Variants in DGCR8 observed in about 807,000 individuals in gnomAD.
DGCR8 encodes the protein microprocessor complex subunit DGCR8.
DGCR8 carries 14 observed loss-of-function variants against 78.5 expected under a neutral mutation model. The ratio of observed to expected loss-of-function variants is 0.18; its 90% confidence interval spans 0.12 to 0.28. The LOEUF (loss-of-function observed/expected upper bound fraction) is 0.28, where lower values mean the gene tolerates loss of function less well. DGCR8 is among the 10% of genes least tolerant of loss of function. The pLI is 1.00. For missense variants in DGCR8, 702 were observed against 1,022.5 expected, an observed-to-expected ratio of 0.69 and a Z score of 4.28; for synonymous variants, 399 against 402.4, an observed-to-expected ratio of 0.99 and a Z score of 0.10.
At chr22:20,108,790 C>T (rs557368773) in intron 12 of DGCR8, 100 bp from the exon 13 acceptor site, 18 of 767,134 alleles carry the variant, frequency 2.3e-5, no homozygotes, top group South Asian at 4.1e-5. Context: ...AGACCCTGGG[C>T]GCGCCTGCCT....
At chr22:20,107,235 T>A (rs1254518679) in intron 11 of DGCR8, 36 bp from the exon 12 acceptor site, 1 of 1,613,706 alleles carries the variant, frequency 6.2e-7, no homozygotes, top group African/African-American at 1.3e-5. Context: ...TGGGTGTTTG[T>A]GACCCCCTCT....
chr22:20,093,643 T>C (rs2049593093), intron 8 of DGCR8, among the ~76,000 whole-genome samples: 1 of 152,230 alleles, frequency 6.6e-6, no homozygotes, highest in South Asian at 2.1e-4. Flanking sequence ...TTACCGGCAC[T>C]ATTTCCTGAG....
At chr22:20,095,679 C>T (rs564955635) in intron 9 of DGCR8, among the ~76,000 whole-genome samples, 14 of 152,188 alleles carry the variant, frequency 9.2e-5, no homozygotes, top group Middle Eastern at 3.4e-3. Flanking sequence ...TGTTGGGGGG[C>T]GGGGATGGTT....
intron 3 of DGCR8, among the ~76,000 whole-genome samples, chr22:20,088,473 G>A (rs1221998501): frequency 6.6e-6 from 1 of 152,198 alleles, no homozygotes. Flanking sequence ...CCAACTTTGT[G>A]ACCACTCACT....
intron 9 of DGCR8, among the ~76,000 whole-genome samples, chr22:20,098,371 C>G (rs924230155): frequency 2.0e-5 from 3 of 152,074 alleles, no homozygotes; most frequent in Non-Finnish European, 2.9e-5. Flanking sequence ...TCTGGTAAGT[C>G]CAGTTCTCAG....
intron 11 of DGCR8, 65 bp downstream of exon 11, chr22:20,106,763 C>T (rs2049775350): frequency 3.4e-6 from 4 of 1,162,296 alleles, no homozygotes. Flanking sequence ...GGCCCTGCGC[C>T]TCTGTGGCTT....
chr22:20,080,342 G>A lies in DGCR8; in HGVS notation c.-319G>A. Reference sequence around the variant, plus strand: ...CGGTCGGTGAGGCTTTCCCGGCTGTGGTTTGGCTGCGGGCGGCTTGGGCAG... The same window carrying A: ...CGGTCGGTGAGGCTTTCCCGGCTGTAGTTTGGCTGCGGGCGGCTTGGGCAG... On this transcript the variant is annotated 5_prime_UTR_variant, in exon 1 of 14. Coordinates refer to ENST00000351989, the MANE Select transcript of DGCR8 (RefSeq NM_022720.7). The A allele has an allele frequency of 1.0e-6, 1 of 981,006 alleles. No homozygotes were observed. The highest frequency in any genetic ancestry group is 1.2e-6 in the Non-Finnish European group (1 of 828,216). The allele number at this position is 981,006 out of a possible 1,614,324, so 60.8% of individuals were successfully genotyped here.
At chr22:20,091,272 C>G (rs760657180) in intron 5 of DGCR8, among the ~76,000 whole-genome samples, 163 bp from the exon 6 acceptor site, 3 of 152,224 alleles carry the variant, frequency 2.0e-5, no homozygotes, top group Non-Finnish European at 4.4e-5. Flanking sequence ...ATAATCTGAG[C>G]TGGTGTAGGG....
At position 20,107,533 on chromosome 22, in the gene DGCR8, G is replaced by A. The variant is rs1055081432; in HGVS notation, c.2124+135G>A. On this transcript the variant is annotated intron_variant, in intron 12 of 13. Coordinates refer to ENST00000351989, the MANE Select transcript of DGCR8 (RefSeq NM_022720.7). ...CAGCTGCCTCTCTCCTGGGCCACTTGTGTGGCTTTGTGGGCAGGGGTGGGG... is the reference window on the plus strand; with the variant it reads ...CAGCTGCCTCTCTCCTGGGCCACTTATGTGGCTTTGTGGGCAGGGGTGGGG... 8.2e-5 allele frequency: 90 copies of A among 1,092,782 alleles called. 1 individual carries two copies. The South Asian group carries it at 1.3e-3, about 16-fold the overall frequency. The allele number at this position is 1,092,782 out of a possible 1,614,324, so 67.7% of individuals were successfully genotyped here.
intron 9 of DGCR8, chr22:20,100,457 C>G (rs973231227): frequency 1.1e-5 from 11 of 985,274 alleles, no homozygotes; most frequent in Non-Finnish European, 1.3e-5. Flanking sequence ...TGCGTAGACC[C>G]TGGCCCACCA....
At chr22:20,108,853 GCCTGCAGT>G (rs776071202) in intron 12 of DGCR8, 29 bp from the exon 13 acceptor site, 12 of 1,136,792 alleles carry the variant, frequency 1.1e-5, no homozygotes, top group Admixed American at 1.7e-5. Context: ...TAGAGCTACA[GCCTGCAGT>G]CCTGAGCGTG....
Position 20,085,606 on chromosome 22 carries a change from T to C in DGCR8, c.-277-81T>C. Reference sequence around the variant, plus strand: ...TTGAAGCCCTTTACTATGCTGTTAATAGTGCTTGGCTTTTAACTTGGTACC... The same window carrying C: ...TTGAAGCCCTTTACTATGCTGTTAACAGTGCTTGGCTTTTAACTTGGTACC... On this transcript the variant is annotated intron_variant, in intron 1 of 13. Coordinates refer to ENST00000351989, the MANE Select transcript of DGCR8 (RefSeq NM_022720.7). The surrounding 1 kb of genome is among the most constrained non-coding windows in gnomAD (Gnocchi z 6.2). The C allele has an allele frequency of 1.7e-6, 2 of 1,153,106 alleles. No homozygotes were observed. The highest frequency in any genetic ancestry group is 3.8e-5 in the South Asian group (1 of 26,528). The allele number at this position is 1,153,106 out of a possible 1,614,324, so 71.4% of individuals were successfully genotyped here. A position where few individuals can be genotyped will look rare whatever the true frequency, so the allele number is the denominator to read the frequency against.
intron 3 of DGCR8, among the ~76,000 whole-genome samples, chr22:20,088,901 G>A (rs540866020): frequency 1.1e-3 from 170 of 152,094 alleles, no homozygotes; most frequent in Non-Finnish European, 2.2e-3. Flanking sequence ...TCCCACCTCA[G>A]CTTCCCAAGT....
chr22:20,080,419 T>TGGGCGGGC (rs1201109311), intron 1 of DGCR8, 36 bp downstream of exon 1: 1 of 977,910 alleles, frequency 1.0e-6, no homozygotes, highest in African/African-American at 1.8e-5. Flanking sequence ...CGCGGGCGGT[T>TGGGCGGGC]GGGCGGGCGC....
chr22:20,080,605 G>T, intron 1 of DGCR8: 3 of 532,674 alleles, frequency 5.6e-6, no homozygotes, highest in Non-Finnish European at 4.8e-6. Flanking sequence ...AGGCGTTGCC[G>T]ACTCTCGTCG....
Position 20,109,951 on chromosome 22 carries a change from C to G in DGCR8, c.2239-74C>G, listed in dbSNP as rs543255945. On this transcript the variant is annotated intron_variant, in intron 13 of 13. Transcript: ENST00000351989. ...TCCTGGCATGATCTGCTGGGCTCTC[C>G]CTCCACCTTGTGTCTTCCCGAGCCT... 78 of 1,444,834 alleles carry G rather than the reference C, an allele frequency of 5.4e-5. No individual in the cohort carries two copies. In the South Asian group the frequency reaches 8.6e-4, roughly 16 times the overall value. 89.5% of individuals were successfully genotyped at this position (1,444,834 alleles called of 1,614,324 possible).
intron 1 of DGCR8, among the ~76,000 whole-genome samples, chr22:20,082,371 C>G (rs2049428472): frequency 6.7e-6 from 1 of 149,938 alleles, no homozygotes; most frequent in Admixed American, 6.7e-5. Context: ...CAGAGTGATT[C>G]TTTTTATTTT....
chr22:20,101,277 G>A, intron 9 of DGCR8: 2 of 985,384 alleles, frequency 2.0e-6, no homozygotes, highest in Non-Finnish European at 2.4e-6. Context: ...CCTCTTATTT[G>A]TATATATGTC....
At position 20,111,706 on chromosome 22, in the gene DGCR8, G is replaced by GCCCTCC; in HGVS notation, c.*1601_*1602insTCCCCC. On this transcript the variant is annotated 3_prime_UTR_variant, in exon 14 of 14. Coordinates refer to ENST00000351989, the MANE Select transcript of DGCR8 (RefSeq NM_022720.7). ...TGCCATACTCTTGTGGTCTCTGTGC[G>GCCCTCC]CCCCCCCCCCCCCCCCACCCGTCTG... 1 of 63,028 alleles carries GCCCTCC rather than the reference G, an allele frequency of 1.6e-5. No homozygotes were observed. The highest frequency in any genetic ancestry group is 7.4e-4 in the South Asian group (1 of 1,344). The allele number at this position is 63,028 out of a possible 1,614,324, so 3.9% of individuals were successfully genotyped here.
Sources: gnomAD v4.1 joint callset for allele counts (sites outside exome capture counted in the v4.1 genomes callset) on GRCh38, gnomAD v4.1.1 for gene constraint, Gnocchi (gnomAD v3.1) non-coding constraint, MANE v1.5 for transcripts, NCBI Gene and HGNC (gene_info 2026-07-23, HGNC 2026-07-21) for gene names.